The following SOCS5 variants were observed in gnomAD, a reference collection of about 807,000 sequenced individuals.
SOCS5 encodes suppressor of cytokine signaling 5.
A neutral mutation model predicts 42.8 loss-of-function variants in SOCS5; 32 were observed. That is an observed-to-expected ratio of 0.75 (90% CI 0.56 to 1.01). The LOEUF (loss-of-function observed/expected upper bound fraction) is 1.01, where lower values mean the gene tolerates loss of function less well. Among genes scored for constraint, SOCS5 ranks in the 50% least tolerant of loss-of-function variants. The pLI is 0.00. For synonymous variants in SOCS5, 283 were observed against 229.6 expected (o/e 1.23, Z -2.10); for missense variants, 627 against 653.0 (o/e 0.96, Z 0.43).
At chr2:46,738,741 C>CT (rs1332689824) in intron 1 of SOCS5, among the ~76,000 whole-genome samples, 7 of 152,146 alleles carry the variant, frequency 4.6e-5, no homozygotes, top group African/African-American at 1.4e-4. Context: ...GTTAAAAAAT[C>CT]TTTAAGTCAA....
intron 1 of SOCS5, among the ~76,000 whole-genome samples, chr2:46,747,936 A>G (rs1344709121): frequency 6.6e-6 from 1 of 152,176 alleles, no homozygotes; most frequent in Non-Finnish European, 1.5e-5. Flanking sequence ...TTGTTAATAA[A>G]CTAAAGATTT....
rs890150848 is a variant in SOCS5, at chr2:46,759,916, C to A, written c.1386C>A (p.Pro462=). Residue 462 remains proline (P), a synonymous_variant, in exon 2 of 2, where the codon CCC becomes CCA. Coordinates refer to ENST00000394861, the MANE Select transcript of SOCS5 (RefSeq NM_144949.3). ...GACTTTTAGAACATTATAAAGATCC[C>A]AGTTCGTGCATGTTTTTTGAACCAT... The part of the protein sequence containing the change: ...VTGLLEHYKD[P]SSCMFFEPLL... 1 of 1,613,998 alleles carries A rather than the reference C, an allele frequency of 6.2e-7. No individual in the cohort carries two copies. Among genetic ancestry groups the A allele is most frequent in the Non-Finnish European group, 8.5e-7 (1 of 1,180,020 alleles).
Position 46,758,884 on chromosome 2 carries a change from T to C in SOCS5, c.354T>C (p.Ala118=), listed in dbSNP as rs374110485. 6.2e-7 allele frequency: 1 copy of C among 1,614,064 alleles called. No individual in the cohort carries two copies. The highest frequency in any genetic ancestry group is 1.3e-5 in the African/African-American group (1 of 75,040). ...LARRDSYSRH[A]PWGGKKKHSC... ...GAAGAGATTCCTACTCTCGACATGCTCCATGGGGTGGGAAGAAAAAACATT... is the reference window on the plus strand; with the variant it reads ...GAAGAGATTCCTACTCTCGACATGCCCCATGGGGTGGGAAGAAAAAACATT... Residue 118 remains alanine, a synonymous_variant, in exon 2 of 2, where the codon GCT becomes GCC. Coordinates refer to ENST00000394861, the MANE Select transcript of SOCS5 (RefSeq NM_144949.3).
intron 1 of SOCS5, among the ~76,000 whole-genome samples, chr2:46,752,314 A>G (rs1673640920): frequency 6.6e-6 from 1 of 151,942 alleles, no homozygotes; most frequent in Admixed American, 6.6e-5. Flanking sequence ...ACTCTTAACT[A>G]ATGCCTGATG....
At chr2:46,755,811 T>TG (rs1429308575) in intron 1 of SOCS5, among the ~76,000 whole-genome samples, 3 of 152,366 alleles carry the variant, frequency 2.0e-5, no homozygotes, top group Admixed American at 6.5e-5. Context: ...ACTTCGAATC[T>TG]GACATTGTTA....
intron 1 of SOCS5, among the ~76,000 whole-genome samples, chr2:46,733,738 C>G (rs919159593): frequency 1.3e-5 from 2 of 152,144 alleles, no homozygotes; most frequent in African/African-American, 4.8e-5. Flanking sequence ...CCATGTATCT[C>G]ACTCTTTAAA....
chr2:46,740,743 G>A, intron 1 of SOCS5, among the ~76,000 whole-genome samples: 1 of 151,930 alleles, frequency 6.6e-6, no homozygotes, highest in East Asian at 1.9e-4. Flanking sequence ...ACTGCCTACT[G>A]CTCCTCTTGC....
chr2:46,735,058 G>A (rs1361452026), intron 1 of SOCS5, among the ~76,000 whole-genome samples: 1 of 152,160 alleles, frequency 6.6e-6, no homozygotes, highest in Non-Finnish European at 1.5e-5. Flanking sequence ...CACCTTTTCT[G>A]CGAAGCCTTT....
intron 1 of SOCS5, among the ~76,000 whole-genome samples, chr2:46,736,738 T>G (rs1208278264): frequency 6.6e-6 from 1 of 152,178 alleles, no homozygotes; most frequent in East Asian, 1.9e-4. Flanking sequence ...GACGCTTGGG[T>G]TGTTGTGCTA....
chr2:46,734,058 T>C (rs1270082185), intron 1 of SOCS5, among the ~76,000 whole-genome samples: 1 of 152,226 alleles, frequency 6.6e-6, no homozygotes, highest in Non-Finnish European at 1.5e-5. Context: ...TTTCTGATCT[T>C]TGACACTTTG....
At chr2:46,733,164 A>G (rs1284743074) in intron 1 of SOCS5, among the ~76,000 whole-genome samples, 1 of 151,896 alleles carries the variant, frequency 6.6e-6, no homozygotes, top group Admixed American at 6.6e-5. Flanking sequence ...GCGCGATCTC[A>G]GCTCACTGCC....
At position 46,759,717 on chromosome 2, in the gene SOCS5, A is replaced by G. The variant is rs761775611; in HGVS notation, c.1187A>G (p.Glu396Gly). 1.2e-6 allele frequency: 2 copies of G among 1,614,110 alleles called. No homozygotes were observed. The highest frequency in any genetic ancestry group is 1.7e-6 in the Non-Finnish European group (2 of 1,180,006). ...MDRYEAEALL[E>G]GKPEGTFLLR... Reference sequence around the variant, plus strand: ...CGTTATGAAGCAGAAGCCCTTCTCGAAGGGAAACCTGAAGGCACGTTTTTG... The same window carrying G: ...CGTTATGAAGCAGAAGCCCTTCTCGGAGGGAAACCTGAAGGCACGTTTTTG... Residue 396 changes from glutamate to glycine, a missense_variant, in exon 2 of 2, where the codon GAA becomes GGA. Physicochemically the swap from Glu to Gly is moderately conservative, Grantham distance 98. Coordinates refer to ENST00000394861, the MANE Select transcript of SOCS5 (RefSeq NM_144949.3).
intron 1 of SOCS5, among the ~76,000 whole-genome samples, chr2:46,713,257 G>A (rs1291528286): frequency 1.3e-5 from 2 of 152,188 alleles, no homozygotes; most frequent in Non-Finnish European, 2.9e-5. Context: ...TCAGGAGGTT[G>A]AGGCAGGAAG....
At chr2:46,754,165 C>G (rs1181512215) in intron 1 of SOCS5, among the ~76,000 whole-genome samples, 1 of 152,082 alleles carries the variant, frequency 6.6e-6, no homozygotes, top group Non-Finnish European at 1.5e-5. Flanking sequence ...AAGGCCTTTT[C>G]TTTCAGAGTA....
chr2:46,732,226 A>G (rs1225114653), intron 1 of SOCS5, among the ~76,000 whole-genome samples: 10 of 152,250 alleles, frequency 6.6e-5, no homozygotes. Flanking sequence ...CAAACATTAT[A>G]GTAGAACTGA....
intron 1 of SOCS5, among the ~76,000 whole-genome samples, chr2:46,751,113 G>A (rs1044390092): frequency 2.0e-5 from 3 of 151,978 alleles, no homozygotes; most frequent in Non-Finnish European, 4.4e-5. Context: ...CAGATATATC[G>A]GTTTCTACAT....
chr2:46,721,857 C>G (rs1344887796), intron 1 of SOCS5, among the ~76,000 whole-genome samples: 1 of 151,976 alleles, frequency 6.6e-6, no homozygotes, highest in East Asian at 1.9e-4. Context: ...AGTCTAAGTA[C>G]TTGATCCCAG....
Position 46,716,859 on chromosome 2 carries a change from C to T in SOCS5, c.-13+17410C>T, listed in dbSNP as rs1217558987. ...ATTTTTGTTTGTTTCCAGACAGATA[C>T]GGAATAGCTTTTAGTTTAGGGCCTG... On this transcript the variant is annotated intron_variant, in intron 1 of 1. Coordinates refer to ENST00000394861, the MANE Select transcript of SOCS5 (RefSeq NM_144949.3). 3.9e-5 allele frequency among the ~76,000 whole-genome samples: 6 copies of T among 152,068 alleles called. 1 individual carries two copies. The highest frequency in any genetic ancestry group is 2.0e-4 in the Admixed American group (3 of 15,270).
chr2:46,724,237 T>C (rs1301927929), intron 1 of SOCS5, among the ~76,000 whole-genome samples: 4 of 151,826 alleles, frequency 2.6e-5, no homozygotes, highest in Non-Finnish European at 4.4e-5. Flanking sequence ...CTTTTTTTTT[T>C]TTCTTCTTGC....
Sources: allele counts gnomAD v4.1 joint callset (sites outside exome capture counted in the v4.1 genomes callset), GRCh38; gene constraint gnomAD v4.1.1; transcripts MANE v1.5; gene names NCBI Gene and HGNC (gene_info 2026-07-23, HGNC 2026-07-21).